VRK2: variants seen among roughly 807,000 people sequenced by gnomAD.
VRK2 encodes the protein serine/threonine-protein kinase VRK2.
Under a neutral mutation model 57.6 loss-of-function variants are expected in VRK2, and 60 were observed. The ratio of observed to expected loss-of-function variants is 1.04; its 90% CI spans 0.85 to 1.29. VRK2 has a LOEUF of 1.29. Among genes scored for constraint, VRK2 ranks in the 50% most tolerant of loss-of-function variants. The pLI is 0.00. For synonymous variants in VRK2, 231 were observed against 199.2 expected, an observed-to-expected ratio of 1.16 and a Z score of -1.35; for missense variants, 705 against 588.1, an observed-to-expected ratio of 1.20 and a Z score of -2.06.
chr2:57,930,354 C>G (rs1414889545), intron 1 of VRK2, among the ~76,000 whole-genome samples: 1 of 152,104 alleles, frequency 6.6e-6, no homozygotes, highest in Non-Finnish European at 1.5e-5. Flanking sequence ...ACTCTGAGTT[C>G]CAATGCAAAA....
At chr2:58,116,321 G>C (rs1276688512) in intron 7 of VRK2, among the ~76,000 whole-genome samples, 1 of 149,938 alleles carries the variant, frequency 6.7e-6, no homozygotes, top group Non-Finnish European at 1.5e-5. Context: ...TGGGAAGAAC[G>C]GCAGCAATGA....
rs539098855 is a variant in VRK2, at chr2:57,973,709, A to T, written c.-438-51956A>T. Among the ~76,000 whole-genome samples, 9 of 152,008 alleles carry T rather than the reference A, an allele frequency of 5.9e-5. No homozygotes were observed. In the South Asian group the frequency reaches 1.7e-3, roughly 28 times the overall value. ...TATGATTAAAATTGCAAAGAAGCAC[A>T]TCATTTTCAAGAGCTAAAATTTAAC... On this transcript the variant is annotated intron_variant, in intron 1 of 15. Coordinates refer to the VRK2 transcript ENST00000417641.
intron 1 of VRK2, among the ~76,000 whole-genome samples, chr2:57,949,784 T>C (rs1671370409): frequency 6.6e-6 from 1 of 152,230 alleles, no homozygotes; most frequent in African/African-American, 2.4e-5. Flanking sequence ...GCTAGGCCTC[T>C]TGTACCAGTT....
intron 1 of VRK2, among the ~76,000 whole-genome samples, chr2:58,021,720 T>C (rs1673761977): frequency 6.6e-6 from 1 of 152,186 alleles, no homozygotes; most frequent in Non-Finnish European, 1.5e-5. Flanking sequence ...TATTTTTCTG[T>C]TATGCAAAGG....
intron 1 of VRK2, among the ~76,000 whole-genome samples, chr2:57,929,761 C>T (rs1305302975): frequency 6.6e-6 from 1 of 152,046 alleles, no homozygotes; most frequent in Non-Finnish European, 1.5e-5. Context: ...GTCCAAGGCT[C>T]TTTAGTCAGC....
intron 7 of VRK2, among the ~76,000 whole-genome samples, chr2:58,107,906 G>C (rs554664305): frequency 6.6e-6 from 1 of 152,086 alleles, no homozygotes; most frequent in African/African-American, 2.4e-5. Flanking sequence ...GCTTCCATTT[G>C]AGCCAGTCTG....
chr2:57,969,390 C>T (rs1174307577), intron 1 of VRK2, among the ~76,000 whole-genome samples: 2 of 151,528 alleles, frequency 1.3e-5, no homozygotes, highest in African/African-American at 4.8e-5. Flanking sequence ...ATGCATTTGC[C>T]TAACTGCAGA....
At chr2:58,115,530 A>G (rs958613333) in intron 7 of VRK2, among the ~76,000 whole-genome samples, 4 of 142,044 alleles carry the variant, frequency 2.8e-5, no homozygotes, top group African/African-American at 9.7e-5. Flanking sequence ...GGGCTAGGCT[A>G]AGACAGTAAG....
rs184780207 is a variant in VRK2, at chr2:58,105,926, A to G, written c.543+16203A>G. Among the ~76,000 whole-genome samples the G allele has an allele frequency of 3.4e-3, 517 of 152,034 alleles. 2 individuals carry two copies. Among genetic ancestry groups the G allele is most frequent in the Middle Eastern group, 0.014 (4 of 294 alleles). On this transcript the variant is annotated intron_variant, in intron 7 of 12. Transcript: ENST00000340157. ...TGTTGAACCTTTTTATAATATACCAATGACAGTCAAATTATATCAGCTAAC... is the reference window on the plus strand; with the variant it reads ...TGTTGAACCTTTTTATAATATACCAGTGACAGTCAAATTATATCAGCTAAC...
At chr2:58,145,351 A>G (rs1198770992) in intron 11 of VRK2, among the ~76,000 whole-genome samples, 1 of 151,950 alleles carries the variant, frequency 6.6e-6, no homozygotes, top group Non-Finnish European at 1.5e-5. Context: ...TCTTGCTCAA[A>G]GGTTAAACTA....
intron 1 of VRK2, among the ~76,000 whole-genome samples, chr2:57,925,182 T>A (rs1450403699): frequency 6.6e-6 from 1 of 152,072 alleles, no homozygotes; most frequent in Non-Finnish European, 1.5e-5. Flanking sequence ...TTTTGATATA[T>A]CTTTGTCTGG....
At chr2:58,125,830 A>G (rs1416715689) in intron 8 of VRK2, among the ~76,000 whole-genome samples, 1 of 152,072 alleles carries the variant, frequency 6.6e-6, no homozygotes, top group Admixed American at 6.6e-5. Flanking sequence ...GTGAAGTTTT[A>G]GTCTGGGATA....
intron 1 of VRK2, among the ~76,000 whole-genome samples, chr2:57,956,222 GA>G (rs1356355561): frequency 1.3e-5 from 2 of 151,884 alleles, no homozygotes; most frequent in Non-Finnish European, 2.9e-5. Context: ...CTCTACAAAA[GA>G]AAAAATAAAA....
intron 1 of VRK2, among the ~76,000 whole-genome samples, chr2:57,954,322 G>C (rs956871141): frequency 6.6e-6 from 1 of 151,958 alleles, no homozygotes; most frequent in Non-Finnish European, 1.5e-5. Context: ...TCTATACAGT[G>C]GAAATTGTAT....
intron 8 of VRK2, among the ~76,000 whole-genome samples, chr2:58,123,652 A>G (rs1170395425): frequency 1.3e-5 from 2 of 152,090 alleles, no homozygotes; most frequent in Non-Finnish European, 2.9e-5. Context: ...GCTTGAGTCT[A>G]GGAGTTCAAG....
At chr2:57,983,254 A>G (rs1672488071) in intron 1 of VRK2, among the ~76,000 whole-genome samples, 4 of 151,978 alleles carry the variant, frequency 2.6e-5, no homozygotes, top group African/African-American at 9.7e-5. Flanking sequence ...TCCATCTTTA[A>G]AGCCAACAAT....
intron 2 of VRK2, among the ~76,000 whole-genome samples, 161 bp from the exon 3 acceptor site, chr2:58,083,928 T>G (rs566526800): frequency 6.6e-5 from 10 of 151,992 alleles, no homozygotes; most frequent in African/African-American, 2.4e-4. Context: ...TAGCATCTTG[T>G]ATAAAATGGA....
At chr2:57,909,478 T>TGG (rs1453765339) in intron 1 of VRK2, among the ~76,000 whole-genome samples, 2 of 90,336 alleles carry the variant, frequency 2.2e-5, no homozygotes, top group African/African-American at 3.4e-5. Context: ...GTGTGTGTGT[T>TGG]TTTTTTTTAG....
chr2:58,025,287 G>T lies in VRK2; in HGVS notation c.-438-378G>T, dbSNP rs1053608712. Among the ~76,000 whole-genome samples the T allele has an allele frequency of 5.3e-5, 8 of 151,068 alleles. No homozygotes were observed. The East Asian group carries it at 1.6e-3, about 29-fold the overall frequency. ...ATATTTTTTTTTTTTTTAACTATTAGTTAATATCTATAAAGCAATTAGAAC... is the reference window on the plus strand; with the variant it reads ...ATATTTTTTTTTTTTTTAACTATTATTTAATATCTATAAAGCAATTAGAAC... On this transcript the variant is annotated intron_variant, in intron 1 of 15. Transcript: ENST00000417641.
Sources: gnomAD v4.1 joint callset for allele counts (sites outside exome capture counted in the v4.1 genomes callset) on GRCh38, gnomAD v4.1.1 for gene constraint, MANE v1.5 for transcripts, NCBI Gene and HGNC (gene_info 2026-07-23, HGNC 2026-07-21) for gene names.